Variants in FOCAD observed in about 807,000 individuals in gnomAD.
The protein encoded by FOCAD is KIAA1797.
FOCAD carries 198 observed loss-of-function variants against 225.6 expected under a neutral mutation model. The ratio of observed to expected loss-of-function variants is 0.88; its 90% CI spans 0.78 to 0.99. FOCAD has a LOEUF of 0.99. Ranked by LOEUF, FOCAD falls within the 50% of genes least tolerant of loss-of-function variation. FOCAD has a pLI of 0.00. For synonymous variants in FOCAD, 897 were observed against 755.0 expected, an observed-to-expected ratio of 1.19 and a Z score of -3.08; for missense variants, 2,713 against 2,123.6, an observed-to-expected ratio of 1.28 and a Z score of -5.46.
chr9:20,778,509 C>T (rs1587129071), intron 8 of FOCAD, among the ~76,000 whole-genome samples, 172 bp from the exon 9 acceptor site: 1 of 152,216 alleles, frequency 6.6e-6, no homozygotes, highest in Non-Finnish European at 1.5e-5. Context: ...CGTGAGCTGC[C>T]ACGCCCGGCC....
chr9:20,976,415 T>C lies in FOCAD; in HGVS notation c.4133-5T>C. Reference sequence around the variant, plus strand: ...TTTACTATTATTTTTCACTGTCTGTTATAGGTCCTGAATCTGTGCCTCCTT... The same window carrying C: ...TTTACTATTATTTTTCACTGTCTGTCATAGGTCCTGAATCTGTGCCTCCTT... On this transcript the variant is annotated splice_region_variant and splice_polypyrimidine_tract_variant and intron_variant, in intron 35 of 43. Coordinates refer to ENST00000338382, the MANE Select transcript of FOCAD (RefSeq NM_001375567.1). 1 of 1,612,634 alleles carries C rather than the reference T, an allele frequency of 6.2e-7. No homozygotes were observed. The highest frequency in any genetic ancestry group is 8.5e-7 in the Non-Finnish European group (1 of 1,178,882).
intron 4 of FOCAD, among the ~76,000 whole-genome samples, chr9:20,732,178 G>T (rs1244637360): frequency 6.6e-6 from 1 of 152,092 alleles, no homozygotes; most frequent in Non-Finnish European, 1.5e-5. Context: ...CGTAGTTATT[G>T]CACTCATGAT....
At position 20,882,239 on chromosome 9, in the gene FOCAD, G is replaced by T. The variant is rs182386589; in HGVS notation, c.2503+183G>T. 1.8e-3 allele frequency among the ~76,000 whole-genome samples: 277 copies of T among 152,280 alleles called. 1 individual carries two copies. The highest frequency in any genetic ancestry group is 3.4e-3 in the Non-Finnish European group (231 of 68,028). The stretch of plus-strand genomic sequence containing the variant: ...ACTGTAGAAGCAAAGACAAATAGAT[G>T]GATTTAAGTTTCAGAGTCAGCATAA... On this transcript the variant is annotated intron_variant, in intron 20 of 43. Transcript: ENST00000338382.
chr9:20,830,695 C>G (rs948159526), intron 15 of FOCAD, among the ~76,000 whole-genome samples: 1 of 151,912 alleles, frequency 6.6e-6, no homozygotes, highest in East Asian at 1.9e-4. Flanking sequence ...ATTTGTTTAT[C>G]GAGATGGGGT....
rs374571464 is a variant in FOCAD, at chr9:20,786,008, T to C, written c.1198-3343T>C. 1.7e-4 allele frequency among the ~76,000 whole-genome samples: 26 copies of C among 152,322 alleles called. No individual in the cohort carries two copies. In the East Asian group the frequency reaches 2.5e-3, roughly 15 times the overall value. On this transcript the variant is annotated intron_variant, in intron 10 of 43. Transcript: ENST00000338382. ...GTTTTGCATTTCCCTGATGGTATTC[T>C]TAAAATACTTATTTTACAAGCCGGG...
At chr9:20,891,539 T>C (rs1024845575) in intron 21 of FOCAD, among the ~76,000 whole-genome samples, 5 of 152,166 alleles carry the variant, frequency 3.3e-5, no homozygotes, top group African/African-American at 1.2e-4. Context: ...CTTTTAGTGG[T>C]TTGGATAAAG....
At chr9:20,656,801 T>G (rs1821494138), upstream of FOCAD, among the ~76,000 whole-genome samples, 1 of 152,228 alleles carries the variant, frequency 6.6e-6, no homozygotes, top group Non-Finnish European at 1.5e-5. Flanking sequence ...GCGTTATGTG[T>G]GAATTTGATC....
chr9:20,898,914 G>A (rs978297049), intron 21 of FOCAD, among the ~76,000 whole-genome samples: 4 of 151,862 alleles, frequency 2.6e-5, no homozygotes, highest in Non-Finnish European at 5.9e-5. Context: ...CAATCTCATA[G>A]TGAGCCTAGA....
intron 18 of FOCAD, among the ~76,000 whole-genome samples, chr9:20,870,111 C>T (rs1411932935): frequency 2.6e-5 from 4 of 152,126 alleles, no homozygotes; most frequent in Non-Finnish European, 5.9e-5. Context: ...ACTTTTCTCT[C>T]TGACTTGGTT....
chr9:20,832,106 A>AT (rs200674943), intron 15 of FOCAD, among the ~76,000 whole-genome samples: 2,021 of 151,856 alleles, frequency 0.013, 50 homozygotes, highest in African/African-American at 0.045. Flanking sequence ...GCTTTTTTCC[A>AT]TTTTTTTGGC....
intron 29 of FOCAD, 108 bp from the exon 30 acceptor site, chr9:20,946,593 T>G: frequency 8.0e-7 from 1 of 1,242,984 alleles, no homozygotes; most frequent in Non-Finnish European, 1.1e-6. Context: ...TGTATGTGAA[T>G]CCAATTCTTA....
chr9:20,728,264 A>T (rs1372287368), intron 4 of FOCAD, among the ~76,000 whole-genome samples: 3 of 152,062 alleles, frequency 2.0e-5, no homozygotes, highest in Non-Finnish European at 4.4e-5. Context: ...TGTTTTTTGG[A>T]TTTTGGGATA....
At chr9:20,710,427 C>T (rs1467558193) in intron 1 of FOCAD, among the ~76,000 whole-genome samples, 1 of 151,680 alleles carries the variant, frequency 6.6e-6, no homozygotes, top group Non-Finnish European at 1.5e-5. Context: ...GAAACCCCTC[C>T]TCTACTAAAA....
chr9:20,845,451 A>G (rs1826996539), intron 15 of FOCAD, among the ~76,000 whole-genome samples: 1 of 147,442 alleles, frequency 6.8e-6, no homozygotes, highest in Non-Finnish European at 1.5e-5. Flanking sequence ...CGATATATAT[A>G]TATATATATA....
chr9:20,725,031 G>A (rs1826077489), intron 4 of FOCAD, among the ~76,000 whole-genome samples: 1 of 152,156 alleles, frequency 6.6e-6, no homozygotes, highest in Non-Finnish European at 1.5e-5. Flanking sequence ...AAATTAGCTG[G>A]GCTTGGTGAC....
chr9:20,803,978 C>T (rs557444902), intron 11 of FOCAD, among the ~76,000 whole-genome samples: 27 of 152,266 alleles, frequency 1.8e-4, no homozygotes, highest in African/African-American at 5.1e-4. Flanking sequence ...CCTTCCTAAT[C>T]TCCTCAGTGT....
chr9:20,980,942 C>T (rs190690655), intron 37 of FOCAD, among the ~76,000 whole-genome samples: 21 of 152,246 alleles, frequency 1.4e-4, no homozygotes, highest in African/African-American at 5.1e-4. Context: ...TAAATGGTCC[C>T]AGCATGTCAC....
chr9:20,954,582 C>T (rs1185693955), intron 35 of FOCAD, among the ~76,000 whole-genome samples: 1 of 152,152 alleles, frequency 6.6e-6, no homozygotes, highest in Non-Finnish European at 1.5e-5. Flanking sequence ...TTGAATGTAA[C>T]ATTTTTATGA....
At chr9:20,752,898 G>A (rs1828699596) in intron 5 of FOCAD, among the ~76,000 whole-genome samples, 1 of 150,810 alleles carries the variant, frequency 6.6e-6, no homozygotes, top group Admixed American at 6.6e-5. Context: ...TGGATTCCTA[G>A]GTATTTTATT....
Sources: allele counts gnomAD v4.1 joint callset (sites outside exome capture counted in the v4.1 genomes callset), GRCh38; gene constraint gnomAD v4.1.1; transcripts MANE v1.5; gene names NCBI Gene and HGNC (gene_info 2026-07-23, HGNC 2026-07-21).